The following NEGR1 variants were observed in gnomAD, a reference collection of about 807,000 sequenced individuals.
NEGR1 encodes IgLON family member 4.
In NEGR1, 10 loss-of-function variants were observed where a neutral mutation model predicts 40.9. The observed-to-expected ratio is 0.24, with a 90% CI of 0.15 to 0.42. The LOEUF (loss-of-function observed/expected upper bound fraction) is 0.42. Among genes scored for constraint, NEGR1 ranks in the 10% least tolerant of loss-of-function variants. NEGR1 has a pLI of 1.00. For missense variants in NEGR1, 352 were observed against 438.9 expected (o/e 0.80, Z 1.77); for synonymous variants, 185 against 166.8 (o/e 1.11, Z -0.84).
chr1:71,691,635 A>G (rs1653283588), intron 4 of NEGR1, among the ~76,000 whole-genome samples: 1 of 151,838 alleles, frequency 6.6e-6, no homozygotes, highest in African/African-American at 2.4e-5. Flanking sequence ...CAGTTCTAGC[A>G]TCTCAAATTT....
At chr1:71,460,026 T>C (rs1258299021) in intron 6 of NEGR1, among the ~76,000 whole-genome samples, 1 of 152,216 alleles carries the variant, frequency 6.6e-6, no homozygotes, top group East Asian at 1.9e-4. Flanking sequence ...CCATATCTTT[T>C]AGTGCTATAA....
chr1:72,269,653 T>C (rs1351696365), intron 1 of NEGR1, among the ~76,000 whole-genome samples: 1 of 151,720 alleles, frequency 6.6e-6, no homozygotes, highest in African/African-American at 2.4e-5. Flanking sequence ...CAGTGACCAA[T>C]ACATTATACC....
At chr1:71,899,859 G>A (rs544506214) in intron 2 of NEGR1, among the ~76,000 whole-genome samples, 1 of 152,136 alleles carries the variant, frequency 6.6e-6, no homozygotes, top group South Asian at 2.1e-4. Flanking sequence ...GTGTCCAAAG[G>A]GTCAGTATCA....
intron 1 of NEGR1, among the ~76,000 whole-genome samples, chr1:72,029,762 C>T (rs750836484): frequency 3.3e-5 from 5 of 152,024 alleles, no homozygotes; most frequent in Non-Finnish European, 5.9e-5. Context: ...AAGAGTTCTT[C>T]GACAACCTGC....
intron 5 of NEGR1, among the ~76,000 whole-genome samples, chr1:71,600,688 T>C (rs1649887813): frequency 1.3e-5 from 2 of 152,174 alleles, no homozygotes; most frequent in African/African-American, 4.8e-5. Flanking sequence ...GCAAGATTCA[T>C]AGCCAGAGTG....
intron 1 of NEGR1, among the ~76,000 whole-genome samples, chr1:72,009,499 T>A (rs1646638409): frequency 6.6e-6 from 1 of 152,048 alleles, no homozygotes; most frequent in African/African-American, 2.4e-5. Context: ...GTTTTTTTTA[T>A]ATTTATAAAA....
intron 5 of NEGR1, among the ~76,000 whole-genome samples, chr1:71,594,550 G>C (rs1334007): frequency 0.89 from 136,204 of 152,194 alleles, 62,296 homozygotes; most frequent in Non-Finnish European, 1. Flanking sequence ...ATTAATAAAA[G>C]TGTGAGTTAA....
At chr1:71,925,853 G>T (rs1020675715) in intron 2 of NEGR1, among the ~76,000 whole-genome samples, 1 of 152,134 alleles carries the variant, frequency 6.6e-6, no homozygotes, top group Non-Finnish European at 1.5e-5. Flanking sequence ...CCAGCTAGAG[G>T]TTAGTAATCT....
At chr1:72,064,374 G>T (rs1186735121) in intron 1 of NEGR1, among the ~76,000 whole-genome samples, 4 of 152,130 alleles carry the variant, frequency 2.6e-5, no homozygotes, top group Non-Finnish European at 4.4e-5. Flanking sequence ...AGGAGCTGAG[G>T]ATCCTTTACC....
At chr1:71,427,855 G>A (rs967192749) in intron 6 of NEGR1, among the ~76,000 whole-genome samples, 2 of 152,030 alleles carry the variant, frequency 1.3e-5, no homozygotes, top group African/African-American at 4.8e-5. Flanking sequence ...GTAAAGAAAG[G>A]CAGTGAATGC....
chr1:71,575,215 T>C (rs775547622), intron 6 of NEGR1, among the ~76,000 whole-genome samples: 5 of 152,200 alleles, frequency 3.3e-5, no homozygotes, highest in Admixed American at 6.5e-5. Flanking sequence ...GTAATTTATA[T>C]ATTGCAACAT....
chr1:72,145,268 C>CA (rs1358119223), intron 1 of NEGR1, among the ~76,000 whole-genome samples: 1 of 152,102 alleles, frequency 6.6e-6, no homozygotes, highest in African/African-American at 2.4e-5. Flanking sequence ...AATGCATCCT[C>CA]AGAGTCAACT....
intron 3 of NEGR1, among the ~76,000 whole-genome samples, chr1:71,737,730 C>G (rs946781313): frequency 6.6e-6 from 1 of 152,086 alleles, no homozygotes; most frequent in South Asian, 2.1e-4. Context: ...ATTTTTCAGT[C>G]TTTGTTCTTA....
intron 1 of NEGR1, among the ~76,000 whole-genome samples, chr1:72,263,094 C>G (rs1331914590): frequency 1.3e-5 from 2 of 151,528 alleles, no homozygotes; most frequent in Admixed American, 1.3e-4. Context: ...TAGAAGTCAT[C>G]TAGGTTTTAA....
intron 6 of NEGR1, among the ~76,000 whole-genome samples, chr1:71,502,541 T>C (rs1427523284): frequency 6.6e-6 from 1 of 152,198 alleles, no homozygotes; most frequent in Non-Finnish European, 1.5e-5. Context: ...TCTGGGGTTT[T>C]GTCCAGGATC....
intron 1 of NEGR1, among the ~76,000 whole-genome samples, chr1:72,279,652 G>A (rs1285653233): frequency 6.6e-6 from 1 of 151,978 alleles, no homozygotes; most frequent in East Asian, 1.9e-4. Context: ...AGTATACAAA[G>A]AAAAAACAAA....
chr1:72,028,574 G>A (rs1415484276), intron 1 of NEGR1, among the ~76,000 whole-genome samples: 1 of 152,158 alleles, frequency 6.6e-6, no homozygotes, highest in Non-Finnish European at 1.5e-5. Context: ...AGTTGCCTCA[G>A]CACATCACAC....
At chr1:71,913,082 T>C (rs1215563136) in intron 2 of NEGR1, among the ~76,000 whole-genome samples, 1 of 152,154 alleles carries the variant, frequency 6.6e-6, no homozygotes, top group Non-Finnish European at 1.5e-5. Context: ...ATATATTTAT[T>C]AAAATATGGA....
chr1:72,216,051 G>A lies in NEGR1; in HGVS notation c.176+66268C>T, dbSNP rs149935893. 3.7e-3 allele frequency among the ~76,000 whole-genome samples: 559 copies of A among 151,676 alleles called. 4 individuals are homozygous for A. The highest frequency in any genetic ancestry group is 0.013 in the African/African-American group (536 of 41,376). ...TTATAAAAAAGGATGAGTTCATGTC[G>A]TTTGCAGGGACATGGATGAAGCTGG... On this transcript the variant is annotated intron_variant, in intron 1 of 6. Coordinates refer to ENST00000357731, the MANE Select transcript of NEGR1 (RefSeq NM_173808.3).
Sources: allele counts gnomAD v4.1 joint callset (sites outside exome capture counted in the v4.1 genomes callset), GRCh38; gene constraint gnomAD v4.1.1; transcripts MANE v1.5; gene names NCBI Gene and HGNC (gene_info 2026-07-23, HGNC 2026-07-21).